The following UBAC1 variants were observed in gnomAD, a reference collection of about 807,000 sequenced individuals.
The protein encoded by UBAC1 is ubiquitin-associated domain-containing protein 1.
Under a neutral mutation model 45.9 loss-of-function variants are expected in UBAC1, and 27 were observed. That is an observed-to-expected ratio of 0.59 (90% CI 0.43 to 0.81). The LOEUF is 0.81. Among genes scored for constraint, UBAC1 ranks in the 30% least tolerant of loss-of-function variants. The probability of loss-of-function intolerance (pLI) is 0.00; values close to 1 mark genes in which losing one functional copy is unlikely to be tolerated. For missense variants in UBAC1, 529 were observed against 539.2 expected (o/e 0.98, Z 0.19); for synonymous variants, 227 against 215.5 (o/e 1.05, Z -0.47).
chr9:135,933,551 C>A, intron 9 of UBAC1, 36 bp from the exon 10 acceptor site: 2 of 1,508,562 alleles, frequency 1.3e-6, no homozygotes, highest in South Asian at 1.1e-5. Context: ...AGTGCCCACG[C>A]CCCCACTCAG....
chr9:135,945,725 A>C (rs1002473573), intron 6 of UBAC1, 164 bp downstream of exon 6: 6 of 610,526 alleles, frequency 9.8e-6, no homozygotes, highest in African/African-American at 3.7e-5. Context: ...CATTCACCCC[A>C]AAAACACTTT....
intron 2 of UBAC1, among the ~76,000 whole-genome samples, 177 bp downstream of exon 2, chr9:135,955,118 C>T (rs1385945249): frequency 6.6e-6 from 1 of 152,214 alleles, no homozygotes. Context: ...CACAAATACT[C>T]TATAACAGAA....
At chr9:135,947,237 C>T (rs35897611) in intron 4 of UBAC1, among the ~76,000 whole-genome samples, 3,251 of 152,100 alleles carry the variant, frequency 0.021, 70 homozygotes, top group South Asian at 0.071. Flanking sequence ...AAATAACTCA[C>T]GGGTTCAGAT....
At chr9:135,956,656 A>G (rs1320588159) in intron 1 of UBAC1, among the ~76,000 whole-genome samples, 1 of 152,070 alleles carries the variant, frequency 6.6e-6, no homozygotes, top group East Asian at 1.9e-4. Flanking sequence ...CTAACCAAAT[A>G]TGGCGCCTCC....
At chr9:135,959,865 G>A (rs576286353) in intron 1 of UBAC1, among the ~76,000 whole-genome samples, 1 of 152,264 alleles carries the variant, frequency 6.6e-6, no homozygotes, top group African/African-American at 2.4e-5. Flanking sequence ...GAACGCAGGA[G>A]GCTCAGCCCC....
At position 135,938,214 on chromosome 9, in the gene UBAC1, G is replaced by T; in HGVS notation, c.1102+8C>A. On this transcript the variant is annotated splice_region_variant and intron_variant, in intron 9 of 9. Transcript: ENST00000371756. ...ACCCGAGACTTAGCATAAAGAAGGC[G>T]CACATACCTAGCAATGTTTTCGGGT... is the stretch of plus-strand genomic sequence containing the variant. The T allele has an allele frequency of 6.2e-7, 1 of 1,613,434 alleles. No homozygotes were observed. Among genetic ancestry groups the T allele is most frequent in the Non-Finnish European group, 8.5e-7 (1 of 1,179,746 alleles).
chr9:135,946,024 G>A lies in UBAC1; in HGVS notation c.545-27C>T, dbSNP rs779974201. ...TGCAGGGAGACGACAGGGCCATGAG[G>A]GCTCCAGCCTCAGGTTCAGGGGCCT... On this transcript the variant is annotated intron_variant, in intron 5 of 9. Transcript: ENST00000371756. 13 of 1,600,326 alleles carry A rather than the reference G, an allele frequency of 8.1e-6. No individual in the cohort carries two copies. The East Asian group carries it at 2.0e-4, about 25-fold the overall frequency.
intron 7 of UBAC1, among the ~76,000 whole-genome samples, chr9:135,940,579 CAA>C (rs530657427): frequency 3.6e-4 from 25 of 70,222 alleles, no homozygotes; most frequent in African/African-American, 2.7e-4. Flanking sequence ...GACTCCATCT[CAA>C]AAAAAAAAAA....
intron 8 of UBAC1, 133 bp from the exon 9 acceptor site, chr9:135,938,493 A>C: frequency 1.7e-6 from 2 of 1,163,466 alleles, no homozygotes; most frequent in Non-Finnish European, 1.2e-6. Context: ...ATCTCCCTGG[A>C]AGGGACTCTA....
In UBAC1 at chr9:135,941,462, G is replaced by C. The variant is rs561823113; in HGVS notation, c.877-1703C>G. ...TGGTCCATCACAATTGCCTTCCTGA[G>C]CCACACCCTAATCCAGGAGCTCCAA... is the stretch of plus-strand genomic sequence containing the variant. On this transcript the variant is annotated intron_variant, in intron 7 of 9. Coordinates refer to ENST00000371756, the MANE Select transcript of UBAC1 (RefSeq NM_016172.3). 2.6e-5 allele frequency among the ~76,000 whole-genome samples: 4 copies of C among 152,178 alleles called. No homozygotes were observed. In the East Asian group the frequency reaches 7.7e-4, roughly 29 times the overall value.
chr9:135,944,220 C>A (rs938100781), intron 7 of UBAC1, among the ~76,000 whole-genome samples: 1 of 152,192 alleles, frequency 6.6e-6, no homozygotes, highest in African/African-American at 2.4e-5. Context: ...GGTTACACTG[C>A]GGGACATGGT....
intron 3 of UBAC1, among the ~76,000 whole-genome samples, chr9:135,950,495 A>G (rs1179672519): frequency 1.3e-5 from 2 of 152,214 alleles, no homozygotes; most frequent in Admixed American, 1.3e-4. Context: ...ATAAGCCTAT[A>G]AGAAACTCAA....
Position 135,961,210 on chromosome 9 carries a change from G to A in UBAC1, c.-48C>T, listed in dbSNP as rs543654800. On this transcript the variant is annotated 5_prime_UTR_variant, in exon 1 of 10. Coordinates refer to ENST00000371756, the MANE Select transcript of UBAC1 (RefSeq NM_016172.3). The stretch of plus-strand genomic sequence containing the variant: ...GCGCCCGCCACCCGGGCCCCTGAAG[G>A]TCACCGGGAAGGCGGGCGGGGAGGG... 2.1e-6 allele frequency: 3 copies of A among 1,454,404 alleles called. No homozygotes were observed. The highest frequency in any genetic ancestry group is 1.3e-5 in the South Asian group (1 of 76,034). The allele number at this position is 1,454,404 out of a possible 1,614,324, so 90.1% of individuals were successfully genotyped here.
chr9:135,934,168 C>T (rs558053052), intron 9 of UBAC1, among the ~76,000 whole-genome samples: 2 of 152,298 alleles, frequency 1.3e-5, no homozygotes, highest in South Asian at 4.1e-4. Context: ...GGACGCACTT[C>T]AGCATAAGTG....
intron 7 of UBAC1, among the ~76,000 whole-genome samples, chr9:135,942,792 C>T (rs531182001): frequency 9.2e-5 from 14 of 152,306 alleles, no homozygotes; most frequent in African/African-American, 3.1e-4. Flanking sequence ...CCTGGGAGGG[C>T]GGGGTCTGAT....
intron 7 of UBAC1, among the ~76,000 whole-genome samples, chr9:135,944,206 C>A (rs1294522604): frequency 6.6e-6 from 1 of 152,192 alleles, no homozygotes; most frequent in Non-Finnish European, 1.5e-5. Flanking sequence ...GCTGCGAAGC[C>A]GGGGGTTACA....
In UBAC1 at chr9:135,947,869, T is replaced by C; in HGVS notation, c.370A>G (p.Ile124Val). ...GGCAGGTTGGCGGTGGCCCGCAGTA[T>C]GGCCTCTTTATCTGGAGCTTTCTGG... The part of the protein sequence containing the change: ...QDQKAPDKEA[I>V]LRATANLPSY... The change falls in exon 4 of 10, where the codon ATA becomes GTA. Residue 124 changes from isoleucine (I) to valine (V), a missense_variant. By Grantham distance (29) the Ile-to-Val change is conservative. Coordinates refer to ENST00000371756, the MANE Select transcript of UBAC1 (RefSeq NM_016172.3). 2 of 1,614,186 alleles carry C rather than the reference T, an allele frequency of 1.2e-6. No homozygotes were observed. Among genetic ancestry groups the C allele is most frequent in the East Asian group, 2.2e-5 (1 of 44,870 alleles).
At chr9:135,942,025 T>C (rs151141109) in intron 7 of UBAC1, 1 of 152,374 alleles carries the variant, frequency 6.6e-6, no homozygotes, top group East Asian at 1.9e-4. Flanking sequence ...CGGAATGTTG[T>C]TCTGACACAG....
chr9:135,939,963 G>A lies in UBAC1; in HGVS notation c.877-204C>T, dbSNP rs114233726. Reference sequence around the variant, plus strand: ...GCATCCTAAAGCCGAGGAAGTGCAGGGATGACTGTAGTTAGCAGAGCCGGG... The same window carrying A: ...GCATCCTAAAGCCGAGGAAGTGCAGAGATGACTGTAGTTAGCAGAGCCGGG... On this transcript the variant is annotated intron_variant, in intron 7 of 9. Transcript: ENST00000371756. 2.1e-3 allele frequency among the ~76,000 whole-genome samples: 326 copies of A among 152,346 alleles called. 1 individual carries two copies. The highest frequency in any genetic ancestry group is 7.6e-3 in the African/African-American group (316 of 41,584).
Sources: allele counts gnomAD v4.1 joint callset (sites outside exome capture counted in the v4.1 genomes callset), GRCh38; gene constraint gnomAD v4.1.1; transcripts MANE v1.5; gene names NCBI Gene and HGNC (gene_info 2026-07-23, HGNC 2026-07-21).